The following ZFHX3 variants were observed in gnomAD, a reference collection of about 807,000 sequenced individuals.
The protein encoded by ZFHX3 is zinc finger homeobox protein 3.
In ZFHX3, 42 loss-of-function variants were observed where a neutral mutation model predicts 279.1. The observed-to-expected ratio is 0.15, with a 90% CI of 0.12 to 0.19. The LOEUF (loss-of-function observed/expected upper bound fraction) is 0.19. Among genes scored for constraint, ZFHX3 ranks in the 10% least tolerant of loss-of-function variants. ZFHX3 has a pLI of 1.00. For synonymous variants in ZFHX3, 2,293 were observed against 1,957.8 expected (o/e 1.17, Z -4.52); for missense variants, 4,981 against 4,754.0 (o/e 1.05, Z -1.40).
intron 2 of ZFHX3, among the ~76,000 whole-genome samples, chr16:73,473,300 G>A (rs2018701427): frequency 7.1e-6 from 1 of 141,040 alleles, no homozygotes; most frequent in Non-Finnish European, 1.5e-5. Flanking sequence ...TTGTGTCATG[G>A]CACTCCAGCC....
chr16:73,450,216 T>C (rs2018260318), intron 3 of ZFHX3, among the ~76,000 whole-genome samples: 1 of 152,198 alleles, frequency 6.6e-6, no homozygotes, highest in Non-Finnish European at 1.5e-5. Context: ...CAACACAGTG[T>C]TTTTCATTAC....
At chr16:72,856,210 G>A (rs138795819) in intron 4 of ZFHX3, among the ~76,000 whole-genome samples, 5 of 152,342 alleles carry the variant, frequency 3.3e-5, no homozygotes, top group African/African-American at 4.8e-5. Context: ...GCTAGGCGCT[G>A]TACCTGTCTG....
At chr16:73,522,483 G>A (rs1179126258) in intron 2 of ZFHX3, among the ~76,000 whole-genome samples, 1 of 152,124 alleles carries the variant, frequency 6.6e-6, no homozygotes, top group Non-Finnish European at 1.5e-5. Context: ...CCAGGATCTG[G>A]TACAGAACTG....
intron 5 of ZFHX3, among the ~76,000 whole-genome samples, chr16:73,221,201 A>G (rs894456442): frequency 6.6e-6 from 1 of 152,146 alleles, no homozygotes; most frequent in African/African-American, 2.4e-5. Context: ...TCTATATATT[A>G]TACCACGTCT....
intron 2 of ZFHX3, among the ~76,000 whole-genome samples, chr16:73,536,541 G>T (rs2019904749): frequency 3.3e-5 from 5 of 152,188 alleles, no homozygotes; most frequent in African/African-American, 1.2e-4. Context: ...TCATTTAATT[G>T]TAACCTAAGT....
intron 4 of ZFHX3, among the ~76,000 whole-genome samples, chr16:72,871,227 G>A (rs1597330334): frequency 6.6e-6 from 1 of 152,158 alleles, no homozygotes; most frequent in Non-Finnish European, 1.5e-5. Flanking sequence ...CCAGGTTGGA[G>A]TGCAATGGCG....
intron 2 of ZFHX3, among the ~76,000 whole-genome samples, chr16:73,532,474 C>A (rs143697551): frequency 6.6e-6 from 1 of 152,006 alleles, no homozygotes; most frequent in African/African-American, 2.4e-5. Context: ...TATGTCTTTA[C>A]CAGCAGCGTG....
At chr16:73,446,338 C>T (rs757525128) in intron 3 of ZFHX3, among the ~76,000 whole-genome samples, 1 of 152,102 alleles carries the variant, frequency 6.6e-6, no homozygotes, top group Non-Finnish European at 1.5e-5. Flanking sequence ...CCTCAGGAAA[C>T]TTACAATCAT....
intron 5 of ZFHX3, among the ~76,000 whole-genome samples, chr16:73,256,693 T>C (rs919084610): frequency 5.3e-5 from 8 of 152,146 alleles, no homozygotes; most frequent in Admixed American, 1.3e-4. Context: ...AATAATCCAG[T>C]TTGAATTTCT....
At position 73,110,852 on chromosome 16, in the gene ZFHX3, C is replaced by T. The variant is rs559063482; in HGVS notation, c.-896-17254G>A. Among the ~76,000 whole-genome samples, 14 of 152,294 alleles carry T rather than the reference C, an allele frequency of 9.2e-5. No individual in the cohort carries two copies. The East Asian group carries it at 2.7e-3, about 29-fold the overall frequency. On this transcript the variant is annotated intron_variant, in intron 7 of 17. Coordinates refer to the ZFHX3 transcript ENST00000641206. ...TTGCTGGGATTATAGGTGTGAACCA[C>T]CGTGCCTGGCCTAGCATGTTAAACT...
At chr16:72,947,250 A>G (rs540894002) in intron 3 of ZFHX3, among the ~76,000 whole-genome samples, 1 of 152,348 alleles carries the variant, frequency 6.6e-6, no homozygotes, top group East Asian at 1.9e-4. Flanking sequence ...TGCAAAAGAA[A>G]AACAGGTTGA....
At chr16:73,660,578 AG>A (rs1219467282) in intron 2 of ZFHX3, among the ~76,000 whole-genome samples, 3 of 152,204 alleles carry the variant, frequency 2.0e-5, no homozygotes, top group Non-Finnish European at 4.4e-5. Context: ...AAAGGGAAAA[AG>A]GAGAAACTGA....
intron 3 of ZFHX3, among the ~76,000 whole-genome samples, chr16:73,330,635 G>A (rs1172459864): frequency 6.6e-6 from 1 of 152,178 alleles, no homozygotes; most frequent in African/African-American, 2.4e-5. Context: ...GCTGATGGGT[G>A]GATGTGGATA....
chr16:73,367,516 C>G (rs1044707108), intron 3 of ZFHX3, among the ~76,000 whole-genome samples: 1 of 152,112 alleles, frequency 6.6e-6, no homozygotes, highest in Non-Finnish European at 1.5e-5. Context: ...CTGTTCTGAT[C>G]CAGCTTATAG....
intron 7 of ZFHX3, among the ~76,000 whole-genome samples, chr16:73,128,840 G>A (rs1391271009): frequency 6.6e-6 from 1 of 152,166 alleles, no homozygotes. Context: ...CATTAGAAGA[G>A]ACCATCAGAG....
intron 1 of ZFHX3, among the ~76,000 whole-genome samples, chr16:73,861,304 A>G (rs1035441713): frequency 2.0e-4 from 30 of 152,146 alleles, no homozygotes; most frequent in Non-Finnish European, 4.4e-5. Flanking sequence ...CACTCTCAGA[A>G]TCAAAATTGT....
rs571460174 is a variant in ZFHX3 at position 72,793,579 on chromosome 16, C to T, written c.9103G>A (p.Ala3035Thr). The T allele has an allele frequency of 9.9e-6, 16 of 1,614,164 alleles. No homozygotes were observed. The Admixed American group carries it at 1.5e-4, about 15-fold the overall frequency. Residue 3035 changes from alanine (A) to threonine (T), a missense_variant, in exon 9 of 10, where the codon GCT becomes ACT. By Grantham distance (58) the Ala-to-Thr change is moderately conservative (BLOSUM62 0). This residue lies in a region of ZFHX3 where 168 missense variants were observed against 249.1 expected (regional missense o/e 0.67). Coordinates refer to ENST00000268489, the MANE Select transcript of ZFHX3 (RefSeq NM_006885.4). This position sits in a 1 kb window ranked among gnomAD's most constrained non-coding sequence, Gnocchi z 4.3. ...ECTLCGIKYSARLSVRDHIFS... is the reference protein window; with the variant it reads ...ECTLCGIKYSTRLSVRDHIFS... Reference sequence around the variant, plus strand: ...ATATGGTCACGTACAGACAGCCGAGCGCTGTACTTGATGCCACACAAAGTG... The same window carrying T: ...ATATGGTCACGTACAGACAGCCGAGTGCTGTACTTGATGCCACACAAAGTG...
At chr16:73,435,303 G>A (rs934116067) in intron 3 of ZFHX3, among the ~76,000 whole-genome samples, 1 of 147,828 alleles carries the variant, frequency 6.8e-6, no homozygotes, top group African/African-American at 2.4e-5. Flanking sequence ...CCACCTCCCG[G>A]GTTCAAGTGA....
At position 73,104,680 on chromosome 16, in the gene ZFHX3, G is replaced by C. The variant is rs113782218; in HGVS notation, c.-896-11082C>G. Among the ~76,000 whole-genome samples the C allele has an allele frequency of 9.3e-4, 141 of 152,210 alleles. 2 individuals carry two copies. The highest frequency in any genetic ancestry group is 3.9e-4 in the Admixed American group (6 of 15,292). On this transcript the variant is annotated intron_variant, in intron 7 of 17. Transcript: ENST00000641206. ...GTACAAGCGTAATGGGAACACACAG[G>C]GTCTCTAGAAAAGAACCTCTCAGGG...
Sources: gnomAD v4.1 joint callset for allele counts (sites outside exome capture counted in the v4.1 genomes callset) on GRCh38, gnomAD v4.1.1 for gene constraint, gnomAD v4.1.1 regional missense constraint, Gnocchi (gnomAD v3.1) non-coding constraint, MANE v1.5 for transcripts, NCBI Gene and HGNC (gene_info 2026-07-23, HGNC 2026-07-21) for gene names.